YIPF1: variants seen among roughly 807,000 people sequenced by gnomAD.
The protein encoded by YIPF1 is protein YIPF1.
YIPF1 carries 22 observed loss-of-function variants against 37.0 expected under a neutral mutation model. The observed-to-expected ratio is 0.59, with a 90% CI of 0.42 to 0.85. The LOEUF is 0.85. Ranked by LOEUF, YIPF1 falls within the 40% of genes least tolerant of loss-of-function variation. The probability of loss-of-function intolerance (pLI) is 0.00; values close to 1 mark genes in which losing one functional copy is unlikely to be tolerated. For missense variants in YIPF1, 355 were observed against 373.1 expected (o/e 0.95, Z 0.40); for synonymous variants, 128 against 131.9 (o/e 0.97, Z 0.21).
chr1:53,872,666 T>A (rs1490297972), intron 6 of YIPF1, among the ~76,000 whole-genome samples: 1 of 152,184 alleles, frequency 6.6e-6, no homozygotes, highest in Non-Finnish European at 1.5e-5. Context: ...TCAGGTACCT[T>A]GACACGTCAC....
At chr1:53,889,218 T>C (rs1195505448) in intron 2 of YIPF1, 26 bp downstream of exon 2, 2 of 358,870 alleles carry the variant, frequency 5.6e-6, no homozygotes, top group African/African-American at 2.0e-5. Context: ...TGGTTGTGTA[T>C]GTACCAGGAA....
chr1:53,878,396 CA>C lies in YIPF1; in HGVS notation c.282del (p.Phe94LeufsTer17). Reference protein sequence around the residue: ...TFFDVDTYQVFDRIKGSLLPI... With the variant: ...TFFDVDTYQVXDRIKGSLLPI... Reference sequence around the variant, plus strand: ...GGCAAAAGAGATCCTTTAATTCTGTCAAAGACCTGGAAAACATCATAGCAGT... The same window carrying C: ...GGCAAAAGAGATCCTTTAATTCTGTCAAGACCTGGAAAACATCATAGCAGT... On this transcript the variant is annotated frameshift_variant, in exon 6 of 11. Transcript: ENST00000072644. LOFTEE classifies it high-confidence loss of function. 1.9e-6 allele frequency: 3 copies of C among 1,613,970 alleles called. No homozygotes were observed. Among genetic ancestry groups the C allele is most frequent in the Non-Finnish European group, 1.7e-6 (2 of 1,179,982 alleles).
Position 53,870,319 on chromosome 1 carries a change from C to T in YIPF1, c.481+1053G>A, listed in dbSNP as rs140766388. ...CTGAGTAGCTGGGACTACAGGCATG[C>T]ACCACCATACCCGGTAACTTTTTTT... On this transcript the variant is annotated intron_variant, in intron 7 of 10. Coordinates refer to ENST00000072644, the MANE Select transcript of YIPF1 (RefSeq NM_018982.5). 1.2e-3 allele frequency among the ~76,000 whole-genome samples: 183 copies of T among 151,708 alleles called. 2 individuals are homozygous for T. Among genetic ancestry groups the T allele is most frequent in the African/African-American group, 4.3e-3 (176 of 41,320 alleles).
intron 7 of YIPF1, 98 bp from the exon 8 acceptor site, chr1:53,867,022 A>T: frequency 1.4e-6 from 2 of 1,407,276 alleles, no homozygotes; most frequent in Non-Finnish European, 1.9e-6. Flanking sequence ...CTAACATGTC[A>T]ATTGACTTCA....
At chr1:53,875,720 GCT>G in intron 6 of YIPF1, among the ~76,000 whole-genome samples, 1 of 152,282 alleles carries the variant, frequency 6.6e-6, no homozygotes, top group Admixed American at 6.5e-5. Flanking sequence ...TACTAGGCTA[GCT>G]CTTGCCTCAG....
intron 8 of YIPF1, 79 bp from the exon 9 acceptor site, chr1:53,866,461 C>T: frequency 6.8e-7 from 1 of 1,476,070 alleles, no homozygotes; most frequent in South Asian, 1.3e-5. Context: ...TACAAAGGCC[C>T]CTGAGCCAAT....
At chr1:53,860,704 C>A (rs947513200) in intron 9 of YIPF1, among the ~76,000 whole-genome samples, 5 of 152,206 alleles carry the variant, frequency 3.3e-5, no homozygotes, top group Non-Finnish European at 7.3e-5. Context: ...TGGCTTTCTG[C>A]AAATACCTTG....
At chr1:53,887,926 G>C (rs2100746861) in intron 3 of YIPF1, among the ~76,000 whole-genome samples, 1 of 152,306 alleles carries the variant, frequency 6.6e-6, no homozygotes, top group South Asian at 2.1e-4. Flanking sequence ...TAGGTAAGGT[G>C]TTAATAAAAC....
chr1:53,854,721 G>C (rs940813526), intron 10 of YIPF1, among the ~76,000 whole-genome samples: 1 of 152,208 alleles, frequency 6.6e-6, no homozygotes, highest in African/African-American at 2.4e-5. Context: ...TTGTTCACCA[G>C]CACAGAGTAG....
intron 5 of YIPF1, 31 bp from the exon 6 acceptor site, chr1:53,878,433 A>T (rs760825212): frequency 6.2e-7 from 1 of 1,600,236 alleles, no homozygotes; most frequent in Middle Eastern, 1.7e-4. Flanking sequence ...AATTCTACTG[A>T]AGTTTTTTAA....
chr1:53,867,726 G>A (rs1172531400), intron 7 of YIPF1, among the ~76,000 whole-genome samples: 1 of 152,200 alleles, frequency 6.6e-6, no homozygotes, highest in Non-Finnish European at 1.5e-5. Context: ...TGCTCTGCAT[G>A]CTCTCTAGAG....
chr1:53,879,766 C>G (rs12083404), intron 4 of YIPF1, among the ~76,000 whole-genome samples: 3,808 of 152,292 alleles, frequency 0.025, 165 homozygotes, highest in African/African-American at 0.088. Flanking sequence ...TAGCTGTGGT[C>G]TGCAGCACTC....
At chr1:53,865,965 C>T (rs995882157) in intron 9 of YIPF1, among the ~76,000 whole-genome samples, 3 of 152,004 alleles carry the variant, frequency 2.0e-5, no homozygotes, top group Non-Finnish European at 4.4e-5. Flanking sequence ...CGATGCCCAG[C>T]TAATTTTTGT....
chr1:53,873,409 G>A (rs1053475806), intron 6 of YIPF1, among the ~76,000 whole-genome samples: 3 of 152,182 alleles, frequency 2.0e-5, no homozygotes, highest in Non-Finnish European at 4.4e-5. Context: ...GTACCAGTTC[G>A]AGGCCAAGCT....
Position 53,883,168 on chromosome 1 carries a change from G to C in YIPF1, c.140C>G (p.Ser47Ter). ...PKHQPGSPRG[S>*]GREEDDELLG... Reference sequence around the variant, plus strand: ...TAACTCATCATCTTCTTCTCTTCCTGAGCCTCTTGGGGATCCTGGCTGATG... The same window carrying C: ...TAACTCATCATCTTCTTCTCTTCCTCAGCCTCTTGGGGATCCTGGCTGATG... Residue 47 changes from serine (S) to a stop codon, truncating the protein, a stop_gained, in exon 4 of 11, where the codon TCA becomes TGA. Coordinates refer to ENST00000072644, the MANE Select transcript of YIPF1 (RefSeq NM_018982.5). LOFTEE classifies it high-confidence loss of function. 6.2e-7 allele frequency: 1 copy of C among 1,603,006 alleles called. No individual in the cohort carries two copies. The highest frequency in any genetic ancestry group is 8.5e-7 in the Non-Finnish European group (1 of 1,175,492).
At chr1:53,874,179 G>A (rs1228829616) in intron 6 of YIPF1, among the ~76,000 whole-genome samples, 1 of 151,908 alleles carries the variant, frequency 6.6e-6, no homozygotes, top group Non-Finnish European at 1.5e-5. Flanking sequence ...GATATAAAAG[G>A]CCCCAGGATC....
At chr1:53,863,090 A>G (rs1649925190) in intron 9 of YIPF1, among the ~76,000 whole-genome samples, 1 of 152,170 alleles carries the variant, frequency 6.6e-6, no homozygotes, top group Non-Finnish European at 1.5e-5. Context: ...CTTCCTCTCC[A>G]GGAAGAGGCC....
At position 53,887,669 on chromosome 1, in the gene YIPF1, A is replaced by G. The variant is rs79471986; in HGVS notation, c.31+1238T>C. On this transcript the variant is annotated intron_variant, in intron 3 of 10. Coordinates refer to ENST00000072644, the MANE Select transcript of YIPF1 (RefSeq NM_018982.5). Reference sequence around the variant, plus strand: ...TGGATTTCTAGTACTTGCAAATGAAATAGATTTATCTTTAAACAGTGTATC... The same window carrying G: ...TGGATTTCTAGTACTTGCAAATGAAGTAGATTTATCTTTAAACAGTGTATC... Among the ~76,000 whole-genome samples, 24 of 152,204 alleles carry G rather than the reference A, an allele frequency of 1.6e-4. No homozygotes were observed. The East Asian group carries it at 2.7e-3, about 17-fold the overall frequency.
intron 10 of YIPF1, among the ~76,000 whole-genome samples, chr1:53,856,747 TG>T (rs914764033): frequency 7.2e-5 from 11 of 152,214 alleles, no homozygotes; most frequent in African/African-American, 1.9e-4. Flanking sequence ...AGTTCCTATA[TG>T]GATTGACAAC....
Sources: gnomAD v4.1 joint callset for allele counts (sites outside exome capture counted in the v4.1 genomes callset) on GRCh38, gnomAD v4.1.1 for gene constraint, MANE v1.5 for transcripts, NCBI Gene and HGNC (gene_info 2026-07-23, HGNC 2026-07-21) for gene names.